Variants in SLC35D1 observed in about 807,000 individuals in gnomAD.
SLC35D1 encodes solute carrier family 35 member D1.
SLC35D1 carries 31 observed loss-of-function variants against 46.7 expected under a neutral mutation model. The ratio of observed to expected loss-of-function variants is 0.66; its 90% CI spans 0.50 to 0.90. The LOEUF is 0.90. SLC35D1 is among the 40% of genes least tolerant of loss of function. The probability of loss-of-function intolerance (pLI) is 0.00; values close to 1 mark genes in which losing one functional copy is unlikely to be tolerated. For synonymous variants in SLC35D1, 195 were observed against 164.6 expected, an observed-to-expected ratio of 1.18 and a Z score of -1.41; for missense variants, 397 against 426.2, an observed-to-expected ratio of 0.93 and a Z score of 0.60.
intron 7 of SLC35D1, among the ~76,000 whole-genome samples, chr1:67,043,313 C>T (rs930459892): frequency 1.3e-5 from 2 of 152,118 alleles, no homozygotes; most frequent in East Asian, 3.9e-4. Flanking sequence ...CTGCAGTGAG[C>T]CAAGAACGAG....
intron 11 of SLC35D1, among the ~76,000 whole-genome samples, chr1:67,008,658 T>C (rs964857514): frequency 1.2e-4 from 18 of 152,172 alleles, no homozygotes; most frequent in African/African-American, 4.3e-4. Context: ...GACATATTCA[T>C]TAGCCCCCGA....
At chr1:67,009,965 A>G (rs1161580000) in intron 10 of SLC35D1, among the ~76,000 whole-genome samples, 1 of 152,248 alleles carries the variant, frequency 6.6e-6, no homozygotes, top group African/African-American at 2.4e-5. Flanking sequence ...CTGGATTAAG[A>G]AAATGTGGTA....
At chr1:67,012,823 G>A (rs1336814586) in intron 10 of SLC35D1, among the ~76,000 whole-genome samples, 2 of 152,050 alleles carry the variant, frequency 1.3e-5, no homozygotes, top group Non-Finnish European at 2.9e-5. Context: ...ACCATAGCCT[G>A]GGTTCAATTC....
At chr1:66,975,907 G>A in the SLC35D1 span, among the ~76,000 whole-genome samples, 4 of 152,142 alleles carry the variant, frequency 2.6e-5, no homozygotes, top group African/African-American at 9.7e-5. Context: ...CGCTCCCTAG[G>A]TACCCGTACT....
the SLC35D1 span, chr1:66,976,844 C>G: frequency 1.3e-6 from 1 of 770,494 alleles, no homozygotes; most frequent in East Asian, 3.1e-5. Context: ...ACCAGAAGGC[C>G]GAGAGTGATA....
intron 11 of SLC35D1, among the ~76,000 whole-genome samples, chr1:67,008,008 A>G (rs1160400557): frequency 6.6e-6 from 1 of 152,216 alleles, no homozygotes; most frequent in Non-Finnish European, 1.5e-5. Context: ...CTGGTCAACA[A>G]GATTTTCTTT....
At chr1:67,040,042 T>C (rs1180470270) in intron 8 of SLC35D1, among the ~76,000 whole-genome samples, 2 of 151,612 alleles carry the variant, frequency 1.3e-5, no homozygotes, top group Non-Finnish European at 1.5e-5. Context: ...TCACCCAGGC[T>C]GGAGTGCAGT....
intron 11 of SLC35D1, among the ~76,000 whole-genome samples, chr1:67,005,516 A>C (rs1461419223): frequency 6.6e-6 from 1 of 152,136 alleles, no homozygotes; most frequent in Non-Finnish European, 1.5e-5. Context: ...AGCCTTTTCC[A>C]ATTTAACCTT....
At chr1:67,021,450 A>C in intron 9 of SLC35D1, 85 bp downstream of exon 9, 1 of 1,390,880 alleles carries the variant, frequency 7.2e-7, no homozygotes, top group Non-Finnish European at 1.0e-6. Flanking sequence ...CAGGAGACCT[A>C]AAGATATTGA....
At chr1:67,049,266 C>T (rs1007355610) in intron 6 of SLC35D1, among the ~76,000 whole-genome samples, 9 of 151,696 alleles carry the variant, frequency 5.9e-5, no homozygotes, top group Admixed American at 2.6e-4. Flanking sequence ...TGGACTCCAG[C>T]CTGGGCGACA....
intron 11 of SLC35D1, chr1:67,008,443 T>C (rs1369080982): frequency 1.6e-6 from 2 of 1,288,664 alleles, no homozygotes; most frequent in African/African-American, 1.5e-5. Flanking sequence ...CTGTGGCAGA[T>C]ACAGCTGGGA....
intron 10 of SLC35D1, among the ~76,000 whole-genome samples, chr1:67,016,565 T>C (rs1178680970): frequency 2.6e-5 from 4 of 152,152 alleles, no homozygotes; most frequent in Non-Finnish European, 5.9e-5. Flanking sequence ...CTAATTTTTA[T>C]GACTTCAAAA....
At chr1:67,035,274 A>G (rs972186022) in intron 8 of SLC35D1, among the ~76,000 whole-genome samples, 4 of 152,176 alleles carry the variant, frequency 2.6e-5, no homozygotes, top group African/African-American at 7.2e-5. Flanking sequence ...TAAGATTGGC[A>G]TTAGTTCTTC....
chr1:66,981,035 T>C, the SLC35D1 span, among the ~76,000 whole-genome samples: 1 of 152,118 alleles, frequency 6.6e-6, no homozygotes, highest in African/African-American at 2.4e-5. Context: ...AGTAGCACTT[T>C]TTGGATTATG....
At chr1:66,977,644 G>C in the SLC35D1 span, among the ~76,000 whole-genome samples, 1 of 151,964 alleles carries the variant, frequency 6.6e-6, no homozygotes, top group Non-Finnish European at 1.5e-5. Context: ...GTCTAGCTTT[G>C]GAGTGAAACA....
chr1:67,020,573 C>T, intron 9 of SLC35D1, 126 bp from the exon 10 acceptor site: 2 of 712,140 alleles, frequency 2.8e-6, no homozygotes, highest in South Asian at 2.9e-5. Flanking sequence ...TTTTCCCCAC[C>T]TCACTGCTTC....
Position 67,004,320 on chromosome 1 carries a change from C to T in SLC35D1, c.*20G>A, listed in dbSNP as rs1243654746. On this transcript the variant is annotated 3_prime_UTR_variant, in exon 12 of 12. Coordinates refer to ENST00000235345, the MANE Select transcript of SLC35D1 (RefSeq NM_015139.3). ...TGATTAAAAACTTAGGCCTACGTAT[C>T]AGATGAAGCAATCCTCTGGTCACAC... is the stretch of plus-strand genomic sequence containing the variant. The T allele has an allele frequency of 6.2e-7, 1 of 1,606,302 alleles. No individual in the cohort carries two copies. The highest frequency in any genetic ancestry group is 1.3e-5 in the African/African-American group (1 of 74,896).
chr1:67,036,912 A>AATTTCATTTCTTGCTTTTC (rs1472594892), intron 8 of SLC35D1, among the ~76,000 whole-genome samples: 1 of 151,788 alleles, frequency 6.6e-6, no homozygotes, highest in African/African-American at 2.4e-5. Flanking sequence ...GTGGTGGTAT[A>AATTTCATTTCTTGCTTTTC]ATTTCATTTC....
At chr1:66,981,877 C>A in the SLC35D1 span, 1 of 1,614,052 alleles carries the variant, frequency 6.2e-7, no homozygotes. Flanking sequence ...AACAGCCAGT[C>A]TGAGAAAGAA....
Sources: allele counts gnomAD v4.1 joint callset (sites outside exome capture counted in the v4.1 genomes callset), GRCh38; gene constraint gnomAD v4.1.1; transcripts MANE v1.5; gene names NCBI Gene and HGNC (gene_info 2026-07-23, HGNC 2026-07-21).